The following MACF1 variants were observed in gnomAD, a reference collection of about 807,000 sequenced individuals.
The protein encoded by MACF1 is microtubule-actin cross-linking factor 1.
MACF1 carries 193 observed loss-of-function variants against 854.8 expected under a neutral mutation model. The observed-to-expected ratio is 0.23, with a 90% confidence interval of 0.20 to 0.25. The LOEUF is 0.25. MACF1 is among the 10% of genes least tolerant of loss of function. The pLI, the probability that MACF1 is intolerant of heterozygous loss-of-function variation, is 1.00. For synonymous variants in MACF1, 3,185 were observed against 3,226.7 expected (o/e 0.99, Z 0.44); for missense variants, 7,722 against 8,929.1 (o/e 0.86, Z 5.45).
upstream of MACF1, among the ~76,000 whole-genome samples, chr1:39,201,320 C>CT (rs1644387485): frequency 6.6e-6 from 1 of 152,102 alleles, no homozygotes; most frequent in Non-Finnish European, 1.5e-5. Context: ...TGTACCCACT[C>CT]TTATCTCTCA....
intron 55 of MACF1, among the ~76,000 whole-genome samples, chr1:39,381,016 T>C (rs1650139549): frequency 6.6e-6 from 1 of 152,188 alleles, no homozygotes; most frequent in Non-Finnish European, 1.5e-5. Flanking sequence ...TGTGTACTCA[T>C]AATATTGAAC....
chr1:39,259,993 C>T (rs116508374), intron 6 of MACF1, among the ~76,000 whole-genome samples: 153 of 152,292 alleles, frequency 1.0e-3, no homozygotes, highest in African/African-American at 3.5e-3. Context: ...TTAGTTGGTT[C>T]GCTAAGATTC....
At chr1:39,369,855 T>C (rs1649077024) in intron 50 of MACF1, among the ~76,000 whole-genome samples, 175 bp from the exon 51 acceptor site, 1 of 152,200 alleles carries the variant, frequency 6.6e-6, no homozygotes, top group South Asian at 2.1e-4. Flanking sequence ...TTCCTGAGTT[T>C]GGTACGCTTC....
intron 38 of MACF1, among the ~76,000 whole-genome samples, chr1:39,337,643 T>C (rs1178652330): frequency 6.9e-6 from 1 of 145,906 alleles, no homozygotes; most frequent in Non-Finnish European, 1.5e-5. Context: ...CTCGGCTCAC[T>C]GCAACCTCCG....
chr1:39,364,297 A>G (rs755641190), intron 49 of MACF1, among the ~76,000 whole-genome samples: 2 of 150,956 alleles, frequency 1.3e-5, no homozygotes, highest in South Asian at 2.1e-4. Context: ...TTTAAGAGTC[A>G]TTTATTTGTG....
intron 2 of MACF1, among the ~76,000 whole-genome samples, chr1:39,188,700 G>C (rs57214150): frequency 0.16 from 24,058 of 152,188 alleles, 2,382 homozygotes; most frequent in Middle Eastern, 0.22. Flanking sequence ...TGCCTCCCAG[G>C]TTCAAGCAAT....
rs36115430 is a variant in MACF1, at chr1:39,095,718, C to CAAA, written c.220+11289_220+11291dup. ...CAACATAGTGAGACCACCATCTCCA[C>CAAA]AAAAAAAAAAATTAGGTGTGGTGGT... is the stretch of plus-strand genomic sequence containing the variant. On this transcript the variant is annotated intron_variant, in intron 2 of 93. Coordinates refer to the MACF1 transcript ENST00000361689. Among the ~76,000 whole-genome samples, 848 of 143,644 alleles carry CAAA rather than the reference C, an allele frequency of 5.9e-3. 7 individuals carry two copies. The highest frequency in any genetic ancestry group is 0.021 in the African/African-American group (818 of 39,340). The allele number at this position is 143,644 out of a possible 152,430, so 94.2% of individuals were successfully genotyped here.
At chr1:39,258,251 T>C (rs896442427) in intron 6 of MACF1, among the ~76,000 whole-genome samples, 1 of 152,234 alleles carries the variant, frequency 6.6e-6, no homozygotes, top group Non-Finnish European at 1.5e-5. Context: ...GAGGGATTTT[T>C]TTACCCATTT....
At chr1:39,231,363 CAT>C (rs1366003554) in intron 2 of MACF1, 120 bp downstream of exon 2, 2 of 875,742 alleles carry the variant, frequency 2.3e-6, no homozygotes, top group African/African-American at 1.7e-5. Context: ...TGAAGATACA[CAT>C]GTGACTTTTC....
At chr1:39,186,197 T>G (rs1644167245) in intron 2 of MACF1, among the ~76,000 whole-genome samples, 1 of 128,690 alleles carries the variant, frequency 7.8e-6, no homozygotes, top group African/African-American at 3.2e-5. Flanking sequence ...TCTCTCTCTC[T>G]CTCTCTCTCT....
chr1:39,269,021 A>G, intron 6 of MACF1: 2 of 1,289,086 alleles, frequency 1.6e-6, no homozygotes, highest in South Asian at 1.2e-5. Flanking sequence ...TAGTACAGGT[A>G]AAGGAGAGAT....
Position 39,422,851 on chromosome 1 carries a change from C to T in MACF1, c.16100C>T (p.Pro5367Leu), listed in dbSNP as rs762932591. 6.2e-7 allele frequency: 1 copy of T among 1,614,070 alleles called. No homozygotes were observed. Among genetic ancestry groups the T allele is most frequent in the African/African-American group, 1.3e-5 (1 of 74,916 alleles). ...GAGGAGCTCATAGCCAATCAGAAAC[C>T]TCCATCTGCTGAGTATAAAGTGGTG... Reference protein sequence around the residue: ...DTEELIANQKPPSAEYKVVKA... With the variant: ...DTEELIANQKLPSAEYKVVKA... The change falls in exon 60 of 101, where the codon CCT becomes CTT. Residue 5367 changes from proline to leucine, a missense_variant. Pro to Leu is a moderately conservative substitution (Grantham distance 98). Transcript: ENST00000564288.
At chr1:39,465,057 C>G (rs756224982) in intron 94 of MACF1, 38 bp from the exon 95 acceptor site, 12 of 1,585,998 alleles carry the variant, frequency 7.6e-6, no homozygotes, top group Non-Finnish European at 1.0e-5. Flanking sequence ...TTTTTTTTCC[C>G]CTCCTTTCCT....
chr1:39,399,801 C>G (rs948027412), intron 58 of MACF1, among the ~76,000 whole-genome samples: 6 of 152,214 alleles, frequency 3.9e-5, no homozygotes, highest in African/African-American at 1.4e-4. Context: ...ATCCATTTGT[C>G]CTATCCCCTC....
At chr1:39,428,566 G>A (rs1180039208) in intron 63 of MACF1, among the ~76,000 whole-genome samples, 1 of 152,104 alleles carries the variant, frequency 6.6e-6, no homozygotes. Context: ...TACATTATTA[G>A]GTGATGGGTC....
Position 39,310,976 on chromosome 1 carries a change from T to C in MACF1, c.3246T>C (p.Asn1082=), listed in dbSNP as rs1439220135. 10 of 1,613,620 alleles carry C rather than the reference T, an allele frequency of 6.2e-6. 1 individual carries two copies. Among genetic ancestry groups the C allele is most frequent in the South Asian group, 4.4e-5 (4 of 90,998 alleles). ...CTGACAGAGATGCCTGGCAGGACAA[T>C]GCATTAAGGATTGCAGAGCAAGAGG... The part of the protein sequence containing the change: ...SRTDRDAWQD[N]ALRIAEQEHT... Residue 1082 remains asparagine, a synonymous_variant, in exon 26 of 101, where the codon AAT becomes AAC. Transcript: ENST00000564288.
chr1:39,219,440 A>C (rs1644621770), intron 1 of MACF1, among the ~76,000 whole-genome samples: 1 of 152,200 alleles, frequency 6.6e-6, no homozygotes, highest in Non-Finnish European at 1.5e-5. Context: ...GGATTGTCAA[A>C]TACTAAATGA....
chr1:39,130,828 C>A (rs576203509), intron 2 of MACF1, among the ~76,000 whole-genome samples: 3 of 151,720 alleles, frequency 2.0e-5, no homozygotes, highest in Non-Finnish European at 4.4e-5. Flanking sequence ...TTTTTTTTAC[C>A]CCTTTTCTTT....
chr1:39,429,388 G>C, intron 64 of MACF1, 62 bp downstream of exon 64: 1 of 931,812 alleles, frequency 1.1e-6, no homozygotes, highest in South Asian at 1.4e-5. Flanking sequence ...TGTACCCAAG[G>C]AAAGGAGTTC....
Sources: allele counts gnomAD v4.1 joint callset (sites outside exome capture counted in the v4.1 genomes callset), GRCh38; gene constraint gnomAD v4.1.1; transcripts MANE v1.5; gene names NCBI Gene and HGNC (gene_info 2026-07-23, HGNC 2026-07-21).